MRTO4: variants seen among roughly 807,000 people sequenced by gnomAD.
MRTO4 encodes MRT4 homolog, ribosome maturation factor.
In MRTO4, 7 loss-of-function variants were observed where a neutral mutation model predicts 28.6. The ratio of observed to expected loss-of-function variants is 0.24; its 90% CI spans 0.14 to 0.46. The LOEUF (loss-of-function observed/expected upper bound fraction) is 0.46. MRTO4 is among the 20% of genes least tolerant of loss of function. The probability of loss-of-function intolerance (pLI) is 0.99; values close to 1 mark genes in which losing one functional copy is unlikely to be tolerated. For synonymous variants in MRTO4, 113 were observed against 108.2 expected (o/e 1.04, Z -0.27); for missense variants, 302 against 298.3 (o/e 1.01, Z -0.09).
chr1:19,258,354 C>A, intron 6 of MRTO4, 123 bp from the exon 7 acceptor site: 1 of 1,181,344 alleles, frequency 8.5e-7, no homozygotes, highest in Non-Finnish European at 1.2e-6. Context: ...AGCCACTGCC[C>A]AGTGTGTGTT....
intron 6 of MRTO4, among the ~76,000 whole-genome samples, chr1:19,258,204 T>TA (rs557311316): frequency 1.1e-3 from 154 of 145,644 alleles, no homozygotes; most frequent in African/African-American, 2.7e-3. Flanking sequence ...TGCGCTTGTT[T>TA]AAAAAAAAAA....
chr1:19,251,912 T>C (rs1261758649), intron 1 of MRTO4, 49 bp downstream of exon 1: 1 of 1,567,496 alleles, frequency 6.4e-7, no homozygotes. Context: ...GTGGGCTGGC[T>C]ACCCAGCCTG....
intron 1 of MRTO4, among the ~76,000 whole-genome samples, chr1:19,252,798 A>G (rs1411088647): frequency 1.3e-5 from 2 of 150,992 alleles, no homozygotes; most frequent in African/African-American, 4.9e-5. Flanking sequence ...CTACAGGCGC[A>G]CGCCACCACA....
intron 1 of MRTO4, among the ~76,000 whole-genome samples, chr1:19,254,485 C>T (rs2093668637): frequency 6.6e-6 from 1 of 152,172 alleles, no homozygotes; most frequent in South Asian, 2.1e-4. Context: ...CAGCCTCCAC[C>T]CCCACACTGC....
At chr1:19,258,110 C>T in intron 6 of MRTO4, 126 bp downstream of exon 6, 1 of 1,270,678 alleles carries the variant, frequency 7.9e-7, no homozygotes. Flanking sequence ...GAAAATGGGG[C>T]TAAGAGTGCA....
intron 1 of MRTO4, chr1:19,252,068 C>T (rs1031463722): frequency 4.2e-6 from 3 of 711,946 alleles, no homozygotes; most frequent in Non-Finnish European, 6.7e-6. Context: ...GTCTGGGGAG[C>T]GGAGACTCGT....
rs200351822 is a variant in MRTO4, at chr1:19,258,696, G to A, written c.586G>A (p.Glu196Lys). The change falls in exon 8 of 8, where the codon GAG (glutamate) becomes AAG (lysine). Residue 196 changes from glutamate to lysine, a missense_variant. Glu to Lys is a moderately conservative substitution (Grantham distance 56). Transcript: ENST00000330263. ...QARVLKLFGY[E>K]MAEFKVTIKY... is the part of the protein sequence containing the mutation. ...TCTCTTGCAGAAGCTTTTTGGGTAT[G>A]AGATGGCTGAATTCAAGGTGACCAT... 1.2e-6 allele frequency: 2 copies of A among 1,614,234 alleles called. No individual in the cohort carries two copies. Among genetic ancestry groups the A allele is most frequent in the Non-Finnish European group, 1.7e-6 (2 of 1,180,036 alleles).
intron 1 of MRTO4, among the ~76,000 whole-genome samples, chr1:19,252,711 A>G (rs770904642): frequency 6.6e-5 from 10 of 152,202 alleles, no homozygotes; most frequent in Non-Finnish European, 1.5e-4. Context: ...AAAAATAAAT[A>G]AATAAAATAA....
Position 19,257,850 on chromosome 1 carries a change from C to T in MRTO4, c.359C>T (p.Thr120Ile), listed in dbSNP as rs1387920064. 3 of 1,613,184 alleles carry T rather than the reference C, an allele frequency of 1.9e-6. No homozygotes were observed. In the Admixed American group the frequency reaches 5.0e-5, roughly 27 times the overall value. Residue 120 changes from threonine to isoleucine, a missense_variant, in exon 6 of 8, where the codon ACA (threonine) becomes ATA (isoleucine). By Grantham distance (89) the Thr-to-Ile change is moderately conservative. Coordinates refer to ENST00000330263, the MANE Select transcript of MRTO4 (RefSeq NM_016183.4). ...EEVNEWFTKY[T>I]EMDYARAGNK... Reference sequence around the variant, plus strand: ...TCCCTTAGGTGGTTCACGAAATACACAGAAATGGACTACGCCCGAGCTGGT... The same window carrying T: ...TCCCTTAGGTGGTTCACGAAATACATAGAAATGGACTACGCCCGAGCTGGT...
intron 3 of MRTO4, 51 bp from the exon 4 acceptor site, chr1:19,257,013 G>C: frequency 6.4e-7 from 1 of 1,573,196 alleles, no homozygotes; most frequent in Non-Finnish European, 8.7e-7. Flanking sequence ...GCTGAGGGAT[G>C]GGGAGGGCAG....
At position 19,259,120 on chromosome 1, in the gene MRTO4, T is replaced by A; in HGVS notation, c.*290T>A. 4.1e-6 allele frequency: 1 copy of A among 246,494 alleles called. No individual in the cohort carries two copies. Among genetic ancestry groups the A allele is most frequent in the South Asian group, 7.5e-5 (1 of 13,334 alleles). The allele number at this position is 246,494 out of a possible 1,614,324, so 15.3% of individuals were successfully genotyped here. ...TACTAAAAATAGAAAAAAAAACTAG[T>A]TGGGCATAGTGGCATGTGCCTGTAG... On this transcript the variant is annotated 3_prime_UTR_variant, in exon 8 of 8. Coordinates refer to ENST00000330263, the MANE Select transcript of MRTO4 (RefSeq NM_016183.4).
At chr1:19,252,005 G>C in intron 1 of MRTO4, 142 bp downstream of exon 1, 1 of 1,239,152 alleles carries the variant, frequency 8.1e-7, no homozygotes, top group Non-Finnish European at 1.1e-6. Flanking sequence ...CTGCGAGCTG[G>C]AATGGGGGCT....
intron 1 of MRTO4, 184 bp downstream of exon 1, chr1:19,252,047 C>A: frequency 1.2e-6 from 1 of 867,214 alleles, no homozygotes; most frequent in Non-Finnish European, 1.7e-6. Flanking sequence ...AGGTGGCTGA[C>A]GCCCGGTCGG....
Position 19,252,889 on chromosome 1 carries a change from A to G in MRTO4, c.28+1026A>G, listed in dbSNP as rs535436543. Among the ~76,000 whole-genome samples the G allele has an allele frequency of 2.6e-5, 4 of 152,072 alleles. No individual in the cohort carries two copies. In the South Asian group the frequency reaches 6.2e-4, roughly 24 times the overall value. ...GCTGGTCTCGAACACCTGGGCTCCAACCACCCTCCCTGAGTGCTGGGATTA... is the reference window on the plus strand; with the variant it reads ...GCTGGTCTCGAACACCTGGGCTCCAGCCACCCTCCCTGAGTGCTGGGATTA... On this transcript the variant is annotated intron_variant, in intron 1 of 7. Coordinates refer to ENST00000330263, the MANE Select transcript of MRTO4 (RefSeq NM_016183.4).
Position 19,258,840 on chromosome 1 carries a change from G to A in MRTO4, c.*10G>A, listed in dbSNP as rs763459918. 24 of 1,612,418 alleles carry A rather than the reference G, an allele frequency of 1.5e-5. No individual in the cohort carries two copies. Among genetic ancestry groups the A allele is most frequent in the East Asian group, 8.9e-5 (4 of 44,858 alleles). ...AGAAGATGATGACTGAAAGGGACTC[G>A]GGACTGAAGGTCTCCTGGAAGCTTC... is the stretch of plus-strand genomic sequence containing the variant. On this transcript the variant is annotated 3_prime_UTR_variant, in exon 8 of 8. Coordinates refer to ENST00000330263, the MANE Select transcript of MRTO4 (RefSeq NM_016183.4).
At position 19,251,821 on chromosome 1, in the gene MRTO4, C is replaced by A; in HGVS notation, c.-15C>A. On this transcript the variant is annotated 5_prime_UTR_variant, in exon 1 of 8. Coordinates refer to ENST00000330263, the MANE Select transcript of MRTO4 (RefSeq NM_016183.4). ...ACGGGGTGCACCGTCTTCCGCCGCACGTGGATTCAGCGCGATGCCCAAATC... is the reference window on the plus strand; with the variant it reads ...ACGGGGTGCACCGTCTTCCGCCGCAAGTGGATTCAGCGCGATGCCCAAATC... 6.4e-7 allele frequency: 1 copy of A among 1,573,154 alleles called. No homozygotes were observed. Among genetic ancestry groups the A allele is most frequent in the Non-Finnish European group, 8.6e-7 (1 of 1,160,462 alleles).
chr1:19,251,834 C>G lies in MRTO4; in HGVS notation c.-2C>G. 1.9e-6 allele frequency: 3 copies of G among 1,583,364 alleles called. No individual in the cohort carries two copies. Among genetic ancestry groups the G allele is most frequent in the Non-Finnish European group, 8.6e-7 (1 of 1,165,658 alleles). ...TCTTCCGCCGCACGTGGATTCAGCG[C>G]GATGCCCAAATCCAAGCGCGACAAG... On this transcript the variant is annotated 5_prime_UTR_variant, in exon 1 of 8. Transcript: ENST00000330263.
chr1:19,257,490 T>G lies in MRTO4; in HGVS notation c.310T>G (p.Phe104Val). The G allele has an allele frequency of 6.2e-7, 1 of 1,614,190 alleles. No individual in the cohort carries two copies. The highest frequency in any genetic ancestry group is 8.5e-7 in the Non-Finnish European group (1 of 1,180,016). ...GTTGAGGGGTGAGGTGGGTCTCCTG[T>G]TCACCAACCGCACAAAGGAGGAGGT... ...KRLRGEVGLL[F>V]TNRTKEEVNE... The change falls in exon 5 of 8, where the codon TTC (phenylalanine) becomes GTC (valine). Residue 104 changes from phenylalanine to valine, a missense_variant. By Grantham distance (50) the Phe-to-Val change is conservative. Coordinates refer to ENST00000330263, the MANE Select transcript of MRTO4 (RefSeq NM_016183.4).
intron 1 of MRTO4, among the ~76,000 whole-genome samples, 185 bp from the exon 2 acceptor site, chr1:19,254,597 G>GT (rs1357682770): frequency 6.6e-6 from 1 of 152,196 alleles, no homozygotes. Flanking sequence ...ATGCTAATGA[G>GT]TAGGCATTCC....
Sources: gnomAD v4.1 joint callset for allele counts (sites outside exome capture counted in the v4.1 genomes callset) on GRCh38, gnomAD v4.1.1 for gene constraint, MANE v1.5 for transcripts, NCBI Gene and HGNC (gene_info 2026-07-23, HGNC 2026-07-21) for gene names.